Variants in GRM7 observed in about 807,000 individuals in gnomAD.
GRM7 encodes glutamate metabotropic receptor 7.
Under a neutral mutation model 84.5 loss-of-function variants are expected in GRM7, and 35 were observed. That is an observed-to-expected ratio of 0.41 (90% CI 0.32 to 0.55). The LOEUF (loss-of-function observed/expected upper bound fraction) is 0.55. GRM7 is among the 20% of genes least tolerant of loss of function. The pLI, the probability that GRM7 is intolerant of heterozygous loss-of-function variation, is 0.19. For synonymous variants in GRM7, 487 were observed against 455.1 expected (o/e 1.07, Z -0.89); for missense variants, 1,003 against 1,194.6 (o/e 0.84, Z 2.36).
chr3:7,015,027 T>G (rs1023312417), intron 1 of GRM7, among the ~76,000 whole-genome samples: 1 of 152,126 alleles, frequency 6.6e-6, no homozygotes, highest in Non-Finnish European at 1.5e-5. Context: ...CTCTGTAGAA[T>G]GGACCGATCA....
intron 7 of GRM7, among the ~76,000 whole-genome samples, chr3:7,559,869 CT>C (rs1487595012): frequency 6.6e-6 from 1 of 151,870 alleles, no homozygotes; most frequent in African/African-American, 2.4e-5. Flanking sequence ...CTCCTCTGGG[CT>C]TGCAGATGGC....
intron 1 of GRM7, among the ~76,000 whole-genome samples, chr3:7,058,506 A>T (rs1012831391): frequency 6.6e-6 from 1 of 151,860 alleles, no homozygotes; most frequent in Non-Finnish European, 1.5e-5. Context: ...CAATATTGTC[A>T]TTCATCTGGT....
intron 7 of GRM7, among the ~76,000 whole-genome samples, chr3:7,528,975 G>T (rs141873257): frequency 1.4e-4 from 21 of 152,186 alleles, no homozygotes; most frequent in Non-Finnish European, 2.4e-4. Flanking sequence ...CAAGTGGGAA[G>T]AATGCATATT....
rs1694724947 is a variant in GRM7, at chr3:7,164,183, A to AC, written c.736+17519dup. Among the ~76,000 whole-genome samples, 3 of 152,234 alleles carry AC rather than the reference A, an allele frequency of 2.0e-5. No individual in the cohort carries two copies. In the South Asian group the frequency reaches 6.2e-4, roughly 32 times the overall value. On this transcript the variant is annotated intron_variant, in intron 2 of 9. Transcript: ENST00000357716. ...AGACCAGCCTGGCCAACATGGTGAA[A>AC]CCCCATCCCTACTAAAAATACAAAA...
intron 4 of GRM7, among the ~76,000 whole-genome samples, chr3:7,317,047 G>C (rs1183032758): frequency 6.6e-6 from 1 of 152,090 alleles, no homozygotes; most frequent in African/African-American, 2.4e-5. Flanking sequence ...TTTTAGAGTG[G>C]AGCGATTTCA....
At chr3:7,581,819 C>A (rs547798066) in intron 8 of GRM7, among the ~76,000 whole-genome samples, 21 of 151,842 alleles carry the variant, frequency 1.4e-4, no homozygotes, top group African/African-American at 5.1e-4. Context: ...CTGTCAAATT[C>A]ATAAGCACAA....
chr3:7,018,317 A>G (rs1335955349), intron 1 of GRM7, among the ~76,000 whole-genome samples: 1 of 152,206 alleles, frequency 6.6e-6, no homozygotes, highest in African/African-American at 2.4e-5. Context: ...GATTCCAGAG[A>G]TTTGGAATAA....
chr3:7,367,723 G>GA (rs942683166), intron 4 of GRM7, among the ~76,000 whole-genome samples: 6 of 148,552 alleles, frequency 4.0e-5, no homozygotes, highest in South Asian at 4.2e-4. Context: ...GAGAGAAGGA[G>GA]AAAAAAAAAG....
At chr3:6,911,275 A>G (rs971250195) in intron 1 of GRM7, among the ~76,000 whole-genome samples, 1 of 152,188 alleles carries the variant, frequency 6.6e-6, no homozygotes, top group African/African-American at 2.4e-5. Flanking sequence ...GCCAAAATAT[A>G]TAACCACATT....
At chr3:7,067,410 C>T (rs1463025084) in intron 1 of GRM7, among the ~76,000 whole-genome samples, 2 of 151,874 alleles carry the variant, frequency 1.3e-5, no homozygotes, top group Non-Finnish European at 2.9e-5. Context: ...AAGAACTCAA[C>T]CCTTTTTACA....
intron 7 of GRM7, among the ~76,000 whole-genome samples, chr3:7,533,833 A>G (rs1701135052): frequency 6.6e-6 from 1 of 152,118 alleles, no homozygotes; most frequent in Admixed American, 6.6e-5. Context: ...GGGTAATAGG[A>G]GCTGTGCCAT....
At chr3:7,681,017 G>T (rs1221280980) in intron 9 of GRM7, 3 of 152,208 alleles carry the variant, frequency 2.0e-5, no homozygotes, top group Non-Finnish European at 2.9e-5. Context: ...GGTAAAATGG[G>T]CATATAGCTA....
intron 2 of GRM7, among the ~76,000 whole-genome samples, chr3:7,232,554 T>C (rs1253073529): frequency 6.6e-6 from 1 of 152,196 alleles, no homozygotes; most frequent in Non-Finnish European, 1.5e-5. Flanking sequence ...GATCAGTTTG[T>C]ATGATAAGGA....
intron 4 of GRM7, among the ~76,000 whole-genome samples, chr3:7,368,159 G>A (rs1295476014): frequency 6.6e-6 from 1 of 151,902 alleles, no homozygotes; most frequent in African/African-American, 2.4e-5. Context: ...CTTCTTATCT[G>A]CCCGGGAGAT....
chr3:7,537,671 G>T (rs1395324154), intron 7 of GRM7, among the ~76,000 whole-genome samples: 2 of 152,164 alleles, frequency 1.3e-5, no homozygotes, highest in African/African-American at 4.8e-5. Flanking sequence ...GCAGGCACTG[G>T]GTTAGGAGGG....
intron 9 of GRM7, among the ~76,000 whole-genome samples, chr3:7,721,479 T>A (rs1165963955): frequency 6.6e-6 from 1 of 152,206 alleles, no homozygotes; most frequent in African/African-American, 2.4e-5. Flanking sequence ...TTTGACAGCA[T>A]CAGCTTGGTA....
At chr3:6,951,915 T>C (rs749574549) in intron 1 of GRM7, among the ~76,000 whole-genome samples, 1 of 152,226 alleles carries the variant, frequency 6.6e-6, no homozygotes, top group Non-Finnish European at 1.5e-5. Context: ...GTCCTCTTGA[T>C]AAATTGTCCC....
intron 8 of GRM7, among the ~76,000 whole-genome samples, chr3:7,665,457 G>A (rs1699659069): frequency 6.6e-6 from 1 of 151,918 alleles, no homozygotes; most frequent in South Asian, 2.1e-4. Context: ...TTACAAGCGT[G>A]AGCCACCGCG....
intron 1 of GRM7, among the ~76,000 whole-genome samples, chr3:7,100,433 A>G (rs887074363): frequency 6.6e-6 from 1 of 151,788 alleles, no homozygotes. Context: ...AATGGTACAA[A>G]GAGAAGATGC....
Sources: allele counts gnomAD v4.1 joint callset (sites outside exome capture counted in the v4.1 genomes callset), GRCh38; gene constraint gnomAD v4.1.1; transcripts MANE v1.5; gene names NCBI Gene and HGNC (gene_info 2026-07-23, HGNC 2026-07-21).